The following ULK1 variants were observed in gnomAD, a reference collection of about 807,000 sequenced individuals.
The protein encoded by ULK1 is serine/threonine-protein kinase ULK1.
Under a neutral mutation model 117.5 loss-of-function variants are expected in ULK1, and 48 were observed. The ratio of observed to expected loss-of-function variants is 0.41; its 90% CI spans 0.32 to 0.52. The LOEUF (loss-of-function observed/expected upper bound fraction) is 0.52. Ranked by LOEUF, ULK1 falls within the 20% of genes least tolerant of loss-of-function variation. ULK1 has a pLI of 0.29. For synonymous variants in ULK1, 790 were observed against 637.8 expected, an observed-to-expected ratio of 1.24 and a Z score of -3.60; for missense variants, 1,387 against 1,473.4, an observed-to-expected ratio of 0.94 and a Z score of 0.96.
At chr12:131,919,090 G>A (rs1890028074) in intron 23 of ULK1, 122 bp from the exon 24 acceptor site, 14 of 1,142,416 alleles carry the variant, frequency 1.2e-5, no homozygotes, top group African/African-American at 4.7e-5. Context: ...CCAGCTGCCC[G>A]GGCTGCAGCA....
intron 16 of ULK1, among the ~76,000 whole-genome samples, chr12:131,914,705 C>T (rs903920455): frequency 3.3e-5 from 5 of 152,220 alleles, no homozygotes; most frequent in African/African-American, 4.8e-5. Flanking sequence ...TCAATATTGA[C>T]TTTGGCCAGT....
chr12:131,916,495 G>T lies in ULK1; in HGVS notation c.1976G>T (p.Arg659Leu), dbSNP rs377611474. Residue 659 changes from arginine to leucine, a missense_variant, in exon 20 of 28, where the codon CGG (arginine) becomes CTG (leucine). Around this residue, in one of 4 missense-constraint regions of ULK1, gnomAD observed 900 missense variants for 858.9 expected, o/e 1.05. Transcript: ENST00000321867. ...QGVVMTPPRN[R>L]TLPDLSEVGP... ...GTGGTGATGACGCCCCCTCGAAACCGGACGCTGCCCGACCTCTCGGAGGTG... is the reference window on the plus strand; with the variant it reads ...GTGGTGATGACGCCCCCTCGAAACCTGACGCTGCCCGACCTCTCGGAGGTG... 5 of 1,611,946 alleles carry T rather than the reference G, an allele frequency of 3.1e-6. No homozygotes were observed. In the African/African-American group the frequency reaches 6.7e-5, roughly 22 times the overall value.
Position 131,921,823 on chromosome 12 carries a change from G to C in ULK1, c.*462G>C. On this transcript the variant is annotated 3_prime_UTR_variant, in exon 28 of 28. Coordinates refer to ENST00000321867, the MANE Select transcript of ULK1 (RefSeq NM_003565.4). ...CCCTCCGAGATACCCACCCAGCTTT[G>C]TCAATCACCCAAGCACTTTATGCAT... 1 of 477,386 alleles carries C rather than the reference G, an allele frequency of 2.1e-6. No individual in the cohort carries two copies. Among genetic ancestry groups the C allele is most frequent in the South Asian group, 1.5e-5 (1 of 64,734 alleles). The allele number at this position is 477,386 out of a possible 1,614,324, so 29.6% of individuals were successfully genotyped here. A position where few individuals can be genotyped will look rare whatever the true frequency, so the allele number is the denominator to read the frequency against.
rs777746914 is a variant in ULK1 at position 131,915,389 on chromosome 12, C to T, written c.1577C>T (p.Ala526Val). The T allele has an allele frequency of 6.8e-6, 11 of 1,612,660 alleles. No individual in the cohort carries two copies. The South Asian group carries it at 1.2e-4, about 18-fold the overall frequency. Residue 526 changes from alanine (A) to valine (V), a missense_variant, in exon 18 of 28, where the codon GCT becomes GTT. Physicochemically the swap from Ala to Val is moderately conservative, Grantham distance 64. This residue lies in a region of ULK1 where 900 missense variants were observed against 858.9 expected (regional missense o/e 1.05). Transcript: ENST00000321867. Reference protein sequence around the residue: ...GWSGTPSPQGAEMRGGRSPRP... With the variant: ...GWSGTPSPQGVEMRGGRSPRP... ...AGCGGGACGCCCTCCCCACAGGGAG[C>T]TGAGATGCGGGGTGGCAGGTCCCCT...
In ULK1 at chr12:131,916,281, T is replaced by C. The variant is rs550770350; in HGVS notation, c.1879-117T>C. 5 of 1,504,624 alleles carry C rather than the reference T, an allele frequency of 3.3e-6. No individual in the cohort carries two copies. In the African/African-American group the frequency reaches 5.6e-5, roughly 17 times the overall value. 93.2% of individuals were successfully genotyped at this position (1,504,624 alleles called of 1,614,324 possible). On this transcript the variant is annotated intron_variant, in intron 19 of 27. Transcript: ENST00000321867. ...ACCTTTTGACCCCCGCCTGGGCTCA[T>C]GCTCAGGCTGCTCCCACATGCCTGC... is the stretch of plus-strand genomic sequence containing the variant.
chr12:131,895,170 C>T (rs1478036096), intron 1 of ULK1, 58 bp downstream of exon 1: 96 of 1,282,854 alleles, frequency 7.5e-5, no homozygotes, highest in Non-Finnish European at 9.2e-5. Flanking sequence ...CCTGCATCCC[C>T]GCCCCGAGAT....
intron 3 of ULK1, among the ~76,000 whole-genome samples, chr12:131,900,127 A>C (rs1420139177): frequency 3.3e-5 from 5 of 151,892 alleles, no homozygotes; most frequent in Admixed American, 1.3e-4. Flanking sequence ...AAAAAAAAAA[A>C]AAAAAAAAAA....
chr12:131,918,028 G>A (rs1593275304), intron 22 of ULK1, among the ~76,000 whole-genome samples: 2 of 152,308 alleles, frequency 1.3e-5, no homozygotes, highest in Middle Eastern at 3.4e-3. Flanking sequence ...GTGGGCTTGT[G>A]GGCGTCTGGT....
chr12:131,895,584 G>A lies in ULK1; in HGVS notation c.112-17G>A, dbSNP rs1464852941. 1 of 1,611,962 alleles carries A rather than the reference G, an allele frequency of 6.2e-7. No individual in the cohort carries two copies. The highest frequency in any genetic ancestry group is 1.3e-5 in the African/African-American group (1 of 75,036). ...GAGGGGCAGCCCTGGCCTTGAAGGT[G>A]CACGTTTGGCTTTCAGAAGCACGAT... is the stretch of plus-strand genomic sequence containing the variant. On this transcript the variant is annotated splice_polypyrimidine_tract_variant and intron_variant, in intron 1 of 27. Transcript: ENST00000321867.
Position 131,895,660 on chromosome 12 carries a change from G to A in ULK1, c.171G>A (p.Gln57=). 6.2e-7 allele frequency: 1 copy of A among 1,614,172 alleles called. No homozygotes were observed. Among genetic ancestry groups the A allele is most frequent in the Non-Finnish European group, 8.5e-7 (1 of 1,180,010 alleles). Residue 57 remains glutamine (Q), a synonymous_variant, in exon 2 of 28, where the codon CAG becomes CAA. Coordinates refer to ENST00000321867, the MANE Select transcript of ULK1 (RefSeq NM_003565.4). Reference sequence around the variant, plus strand: ...ACAAGAAGAACCTCGCCAAGTCTCAGACGCTGCTGGGGAAGGAAATCAAAA... The same window carrying A: ...ACAAGAAGAACCTCGCCAAGTCTCAAACGCTGCTGGGGAAGGAAATCAAAA... ...CINKKNLAKS[Q]TLLGKEIKIL... is the part of the protein sequence containing the mutation.
intron 13 of ULK1, 88 bp from the exon 14 acceptor site, chr12:131,913,110 G>A (rs1021338171): frequency 3.8e-5 from 49 of 1,302,402 alleles, no homozygotes; most frequent in African/African-American, 9.1e-5. Context: ...TGGAGTGTGC[G>A]TGGGGATCCA....
intron 5 of ULK1, 29 bp from the exon 6 acceptor site, chr12:131,908,615 C>T (rs1889379762): frequency 8.3e-6 from 12 of 1,451,492 alleles, no homozygotes; most frequent in Non-Finnish European, 9.9e-6. Flanking sequence ...AAACACGGCC[C>T]CCAGGCCCTG....
chr12:131,895,229 A>G, intron 1 of ULK1, 117 bp downstream of exon 1: 1 of 667,024 alleles, frequency 1.5e-6, no homozygotes, highest in South Asian at 2.2e-5. Flanking sequence ...GCCCCACTCG[A>G]CTTTCCAGGC....
intron 3 of ULK1, among the ~76,000 whole-genome samples, chr12:131,898,743 C>T (rs916787543): frequency 2.0e-5 from 3 of 152,050 alleles, no homozygotes; most frequent in African/African-American, 4.8e-5. Context: ...ATGATCCACC[C>T]ACCTCGGCCT....
At chr12:131,909,561 G>A (rs538419968) in intron 8 of ULK1, among the ~76,000 whole-genome samples, 11 of 152,296 alleles carry the variant, frequency 7.2e-5, no homozygotes, top group African/African-American at 2.6e-4. Flanking sequence ...GGGAGGCCGC[G>A]TTCTGGGGGG....
intron 7 of ULK1, 33 bp downstream of exon 7, chr12:131,909,004 G>A: frequency 6.2e-7 from 1 of 1,612,668 alleles, no homozygotes; most frequent in Non-Finnish European, 8.5e-7. Flanking sequence ...GTGCCGGGTG[G>A]GCGCCTCTCT....
chr12:131,917,657 A>G, intron 22 of ULK1, 103 bp downstream of exon 22: 1 of 1,179,684 alleles, frequency 8.5e-7, no homozygotes, highest in African/African-American at 1.6e-5. Flanking sequence ...ACAGCCCCCC[A>G]GAGCCCAGGG....
chr12:131,907,472 G>C (rs754226603), intron 4 of ULK1, 23 bp from the exon 5 acceptor site: 3 of 1,612,240 alleles, frequency 1.9e-6, no homozygotes, highest in Non-Finnish European at 2.5e-6. Flanking sequence ...GCTGCAGCCT[G>C]ATGCGTGTCT....
chr12:131,919,109 T>A, intron 23 of ULK1, 103 bp from the exon 24 acceptor site: 1 of 1,365,036 alleles, frequency 7.3e-7, no homozygotes, highest in Non-Finnish European at 9.7e-7. Flanking sequence ...CAGGGGAGGG[T>A]ACCCTGCCCT....
Sources: gnomAD v4.1 joint callset for allele counts (sites outside exome capture counted in the v4.1 genomes callset) on GRCh38, gnomAD v4.1.1 for gene constraint, gnomAD v4.1.1 regional missense constraint, MANE v1.5 for transcripts, NCBI Gene and HGNC (gene_info 2026-07-23, HGNC 2026-07-21) for gene names.